Variants in UNC5C observed in about 807,000 individuals in gnomAD.
The protein encoded by UNC5C is unc-5 netrin receptor C.
Under a neutral mutation model 99.8 loss-of-function variants are expected in UNC5C, and 47 were observed. The observed-to-expected ratio is 0.47, with a 90% CI of 0.37 to 0.60. The LOEUF (loss-of-function observed/expected upper bound fraction) is 0.60. UNC5C is among the 20% of genes least tolerant of loss of function. The pLI is 0.00. For synonymous variants in UNC5C, 487 were observed against 452.2 expected, an observed-to-expected ratio of 1.08 and a Z score of -0.98; for missense variants, 1,062 against 1,165.9, an observed-to-expected ratio of 0.91 and a Z score of 1.30.
intron 3 of UNC5C, among the ~76,000 whole-genome samples, chr4:95,296,051 G>A (rs1741659462): frequency 6.6e-6 from 1 of 152,176 alleles, no homozygotes. Flanking sequence ...TTGTGCTATT[G>A]CACTCCCGTC....
intron 1 of UNC5C, among the ~76,000 whole-genome samples, chr4:95,445,884 T>A (rs1338115436): frequency 6.6e-6 from 1 of 151,874 alleles, no homozygotes; most frequent in Non-Finnish European, 1.5e-5. Context: ...GCGATGTGAC[T>A]CCCTGTTATT....
intron 1 of UNC5C, among the ~76,000 whole-genome samples, chr4:95,521,206 TTTTCTTTTTTCTTTTTTC>T (rs1243118695): frequency 1.1e-5 from 1 of 94,970 alleles, no homozygotes; most frequent in Non-Finnish European, 2.0e-5. Flanking sequence ...CTTCTTTTTT[TTTTCTTTTTTCTTTTTTC>T]TTTTTTTTTT....
At chr4:95,519,405 C>T (rs1304450726) in intron 1 of UNC5C, among the ~76,000 whole-genome samples, 1 of 152,024 alleles carries the variant, frequency 6.6e-6, no homozygotes, top group Non-Finnish European at 1.5e-5. Flanking sequence ...TTAAGAGACC[C>T]ATAGAATGGA....
At chr4:95,179,746 C>CAAAAAAAAAAAAAA (rs33974336) in intron 14 of UNC5C, among the ~76,000 whole-genome samples, 1 of 98,528 alleles carries the variant, frequency 1.0e-5, no homozygotes, top group Non-Finnish European at 1.8e-5. Flanking sequence ...GACTCCTTCT[C>CAAAAAAAAAAAAAA]AAAAAAAAAA....
rs1449410260 is a variant in UNC5C, at chr4:95,354,475, A to T, written c.125-18844T>A. On this transcript the variant is annotated intron_variant, in intron 1 of 15. Coordinates refer to ENST00000453304, the MANE Select transcript of UNC5C (RefSeq NM_003728.4). ...TATTTTACCTAACTCTTCCATATAT[A>T]TATATTTTTTTTTTTTTTTTAAGAG... Among the ~76,000 whole-genome samples the T allele has an allele frequency of 1.3e-3, 110 of 86,574 alleles. 1 individual carries two copies. The highest frequency in any genetic ancestry group is 4.7e-3 in the African/African-American group (100 of 21,092). 56.8% of individuals were successfully genotyped at this position (86,574 alleles called of 152,430 possible).
intron 6 of UNC5C, among the ~76,000 whole-genome samples, chr4:95,243,667 G>A (rs1359169412): frequency 6.6e-6 from 1 of 152,068 alleles, no homozygotes; most frequent in African/African-American, 2.4e-5. Flanking sequence ...AAATTATTAT[G>A]TAAATATATT....
At chr4:95,295,113 G>A (rs1741628069) in intron 3 of UNC5C, among the ~76,000 whole-genome samples, 2 of 152,100 alleles carry the variant, frequency 1.3e-5, no homozygotes, top group Admixed American at 1.3e-4. Flanking sequence ...CGGCACTATT[G>A]AAACCCAAAT....
intron 1 of UNC5C, among the ~76,000 whole-genome samples, chr4:95,404,212 G>T (rs1043073829): frequency 2.6e-5 from 4 of 152,094 alleles, no homozygotes; most frequent in African/African-American, 4.8e-5. Context: ...ATTTCAGTTA[G>T]ATCTAACCAT....
intron 10 of UNC5C, among the ~76,000 whole-genome samples, chr4:95,213,476 G>A (rs1225149596): frequency 1.3e-5 from 2 of 152,136 alleles, no homozygotes; most frequent in African/African-American, 2.4e-5. Flanking sequence ...GTCAGAGACC[G>A]CTTGTCCCAT....
At chr4:95,456,323 T>G (rs1294430372) in intron 1 of UNC5C, among the ~76,000 whole-genome samples, 1 of 152,154 alleles carries the variant, frequency 6.6e-6, no homozygotes, top group Non-Finnish European at 1.5e-5. Context: ...AGTTGGCTAT[T>G]AAGACTGCAG....
At chr4:95,177,965 C>T (rs1004344553) in intron 14 of UNC5C, among the ~76,000 whole-genome samples, 15 of 152,058 alleles carry the variant, frequency 9.9e-5, no homozygotes, top group Non-Finnish European at 1.5e-4. Context: ...AGCTCAGCCT[C>T]CCAAAGTCAT....
chr4:95,201,841 T>TGATCC (rs1388803698), intron 12 of UNC5C, among the ~76,000 whole-genome samples: 9 of 152,158 alleles, frequency 5.9e-5, no homozygotes, highest in African/African-American at 2.2e-4. Flanking sequence ...CCTGACCTCG[T>TGATCC]GATCCACCCG....
chr4:95,427,971 A>G (rs1193294505), intron 1 of UNC5C, among the ~76,000 whole-genome samples: 3 of 152,060 alleles, frequency 2.0e-5, no homozygotes, highest in Non-Finnish European at 4.4e-5. Context: ...GCCTTCAGCT[A>G]TTTGAAATTT....
chr4:95,184,586 C>A (rs1736754875), intron 13 of UNC5C, among the ~76,000 whole-genome samples: 2 of 152,150 alleles, frequency 1.3e-5, no homozygotes, highest in Admixed American at 6.5e-5. Flanking sequence ...TAATAATATC[C>A]TGATTGGGTT....
At chr4:95,416,763 T>G (rs1198768002) in intron 1 of UNC5C, among the ~76,000 whole-genome samples, 1 of 152,196 alleles carries the variant, frequency 6.6e-6, no homozygotes, top group Non-Finnish European at 1.5e-5. Flanking sequence ...CTGATATAAT[T>G]AAATAGCTTG....
chr4:95,489,015 A>C (rs190699658), intron 1 of UNC5C, among the ~76,000 whole-genome samples: 1 of 150,528 alleles, frequency 6.6e-6, no homozygotes, highest in African/African-American at 2.4e-5. Flanking sequence ...TGAGGGTATC[A>C]TGACTTAATA....
chr4:95,227,341 T>TG (rs1395048129), intron 7 of UNC5C, among the ~76,000 whole-genome samples: 1 of 151,952 alleles, frequency 6.6e-6, no homozygotes, highest in Non-Finnish European at 1.5e-5. Flanking sequence ...TTTGTAGAGA[T>TG]GGGGTCTCGC....
At chr4:95,292,244 T>C (rs1382333369) in intron 3 of UNC5C, among the ~76,000 whole-genome samples, 81 of 64,128 alleles carry the variant, frequency 1.3e-3, no homozygotes, top group Middle Eastern at 7.6e-3. Context: ...CACATATATA[T>C]ATATATATAT....
intron 1 of UNC5C, among the ~76,000 whole-genome samples, chr4:95,423,060 C>T (rs1203095978): frequency 6.6e-6 from 1 of 152,156 alleles, no homozygotes; most frequent in Non-Finnish European, 1.5e-5. Flanking sequence ...AACAATGAGA[C>T]GTTTTCCCAC....
Sources: allele counts gnomAD v4.1 joint callset (sites outside exome capture counted in the v4.1 genomes callset), GRCh38; gene constraint gnomAD v4.1.1; transcripts MANE v1.5; gene names NCBI Gene and HGNC (gene_info 2026-07-23, HGNC 2026-07-21).